Variants in FGF14 observed in about 807,000 individuals in gnomAD.
FGF14 encodes fibroblast growth factor 14, also known as fibroblast growth factor homologous factor 4.
FGF14 carries 5 observed loss-of-function variants against 25.5 expected under a neutral mutation model. That is an observed-to-expected ratio of 0.20 (90% CI 0.10 to 0.41). FGF14 has a LOEUF of 0.41. Among genes scored for constraint, FGF14 ranks in the 10% least tolerant of loss-of-function variants. FGF14 has a pLI of 1.00. For synonymous variants in FGF14, 138 were observed against 118.3 expected (o/e 1.17, Z -1.08); for missense variants, 222 against 320.1 (o/e 0.69, Z 2.34).
intron 1 of FGF14, among the ~76,000 whole-genome samples, chr13:102,012,107 T>A (rs1394670999): frequency 3.3e-5 from 5 of 152,084 alleles, no homozygotes; most frequent in Non-Finnish European, 7.3e-5. Context: ...GATGTCACAT[T>A]CAGTTTTGAA....
At chr13:102,280,949 G>A (rs547881410) in intron 1 of FGF14, among the ~76,000 whole-genome samples, 2 of 152,166 alleles carry the variant, frequency 1.3e-5, no homozygotes, top group African/African-American at 4.8e-5. Flanking sequence ...TCCATGAAGG[G>A]ATAGATACAA....
At chr13:102,093,730 A>G (rs895062161) in intron 1 of FGF14, among the ~76,000 whole-genome samples, 1 of 151,874 alleles carries the variant, frequency 6.6e-6, no homozygotes, top group Non-Finnish European at 1.5e-5. Flanking sequence ...AAACAGTTAA[A>G]TTGCTTGGTA....
chr13:101,954,706 G>A (rs1056523200), intron 1 of FGF14, among the ~76,000 whole-genome samples: 65 of 147,930 alleles, frequency 4.4e-4, no homozygotes, highest in African/African-American at 1.7e-3. Context: ...GAAAGTGTGT[G>A]TGTGTGTGTG....
intron 3 of FGF14, among the ~76,000 whole-genome samples, chr13:101,740,435 AC>A (rs2036474232): frequency 6.6e-6 from 1 of 152,210 alleles, no homozygotes; most frequent in South Asian, 2.1e-4. Flanking sequence ...AAAGAAAAAA[AC>A]ATAACAGTTG....
chr13:102,062,834 A>G (rs2042747359), intron 1 of FGF14, among the ~76,000 whole-genome samples: 1 of 152,212 alleles, frequency 6.6e-6, no homozygotes, highest in African/African-American at 2.4e-5. Context: ...TAAAAAAGTG[A>G]AAGCTATCTA....
At chr13:101,904,080 A>C (rs2031921923) in intron 1 of FGF14, among the ~76,000 whole-genome samples, 1 of 152,220 alleles carries the variant, frequency 6.6e-6, no homozygotes, top group African/African-American at 2.4e-5. Flanking sequence ...GTGCAAAAGA[A>C]GAACTGAAAG....
Position 101,916,542 on chromosome 13 carries a change from T to C in FGF14, c.104A>G (p.Lys35Arg), listed in dbSNP as rs1368948368. Residue 35 changes from lysine to arginine, a missense_variant, in exon 1 of 5, where the codon AAG becomes AGG. Around this residue, in one of 5 missense-constraint regions of FGF14, gnomAD observed 80 missense variants for 72.2 expected, o/e 1.11. Coordinates refer to ENST00000376143, the MANE Select transcript of FGF14 (RefSeq NM_004115.4). ...GTTGCCGTTGCAGAGCCCGCGGTTCTTGCTGGGGCTGCTCCGCCTCCTGCT... is the reference window on the plus strand; with the variant it reads ...GTTGCCGTTGCAGAGCCCGCGGTTCCTGCTGGGGCTGCTCCGCCTCCTGCT... ...SASRRRSSPS[K>R]NRGLCNGNLV... The C allele has an allele frequency of 1.2e-6, 2 of 1,613,594 alleles. No individual in the cohort carries two copies. The highest frequency in any genetic ancestry group is 2.2e-5 in the South Asian group (2 of 91,088).
chr13:101,715,836 C>A lies in FGF14; in HGVS notation c.*6995G>T. On this transcript the variant is annotated 3_prime_UTR_variant, in exon 5 of 5. Transcript: ENST00000376143. ...GAAATGAGTTATGCAAATTTAGATG[C>A]AAATAACATTAGAAAAAAAAGATTC... is the stretch of plus-strand genomic sequence containing the variant. The A allele has an allele frequency of 2.2e-6, 1 of 464,316 alleles. No homozygotes were observed. The highest frequency in any genetic ancestry group is 3.9e-6 in the Non-Finnish European group (1 of 258,264). 28.8% of individuals were successfully genotyped at this position (464,316 alleles called of 1,614,324 possible).
intron 1 of FGF14, among the ~76,000 whole-genome samples, chr13:102,365,628 C>T (rs2057688684): frequency 6.6e-6 from 1 of 152,108 alleles, no homozygotes; most frequent in Admixed American, 6.5e-5. Flanking sequence ...TGTTCCTTCA[C>T]GGAATCTCTC....
At chr13:102,226,732 G>A (rs2050841963) in intron 1 of FGF14, among the ~76,000 whole-genome samples, 1 of 151,988 alleles carries the variant, frequency 6.6e-6, no homozygotes, top group Non-Finnish European at 1.5e-5. Context: ...TTACCACTTT[G>A]ATTATGATGG....
chr13:102,200,651 C>G (rs2049575969), intron 1 of FGF14, among the ~76,000 whole-genome samples: 1 of 149,786 alleles, frequency 6.7e-6, no homozygotes, highest in Non-Finnish European at 1.5e-5. Context: ...GCTGTTCTGT[C>G]AGCTTTTTCC....
At chr13:102,321,985 A>G (rs192355729) in intron 1 of FGF14, among the ~76,000 whole-genome samples, 2 of 152,312 alleles carry the variant, frequency 1.3e-5, no homozygotes, top group Admixed American at 1.3e-4. Context: ...TTTGACCCAG[A>G]CAGGATTAGA....
intron 3 of FGF14, among the ~76,000 whole-genome samples, chr13:101,837,115 A>T (rs1398344337): frequency 6.6e-6 from 1 of 151,930 alleles, no homozygotes; most frequent in East Asian, 1.9e-4. Context: ...CACTGGAGTT[A>T]GTTGCTAATA....
At chr13:102,298,679 G>A (rs77964728) in intron 1 of FGF14, among the ~76,000 whole-genome samples, 1,927 of 152,162 alleles carry the variant, frequency 0.013, 39 homozygotes, top group African/African-American at 0.043. Flanking sequence ...AAGGGTGATT[G>A]CCTAATTATA....
intron 1 of FGF14, among the ~76,000 whole-genome samples, chr13:101,902,381 C>G (rs1274586086): frequency 6.6e-6 from 1 of 151,990 alleles, no homozygotes; most frequent in Non-Finnish European, 1.5e-5. Flanking sequence ...GAGGCTCATA[C>G]GTTTCTTAAC....
intron 3 of FGF14, among the ~76,000 whole-genome samples, chr13:101,754,717 A>C (rs1192358452): frequency 6.6e-6 from 1 of 152,178 alleles, no homozygotes; most frequent in East Asian, 1.9e-4. Flanking sequence ...TGACGAAGTA[A>C]GACTCCATAA....
intron 1 of FGF14, among the ~76,000 whole-genome samples, chr13:102,045,186 T>G (rs2041927231): frequency 6.6e-6 from 1 of 152,050 alleles, no homozygotes; most frequent in Non-Finnish European, 1.5e-5. Flanking sequence ...CAAGCATCTA[T>G]GTGCACACAG....
chr13:101,787,209 T>C lies in FGF14; in HGVS notation c.409-60399A>G, dbSNP rs920820927. Among the ~76,000 whole-genome samples the C allele has an allele frequency of 4.6e-5, 7 of 152,168 alleles. No homozygotes were observed. The East Asian group carries it at 1.3e-3, about 29-fold the overall frequency. ...CAACACACTGTCCAAGAGTATATCA[T>C]AAAGCTAAGCCAATAATACTTTCCC... is the stretch of plus-strand genomic sequence containing the variant. On this transcript the variant is annotated intron_variant, in intron 3 of 4. Coordinates refer to ENST00000376143, the MANE Select transcript of FGF14 (RefSeq NM_004115.4).
intron 1 of FGF14, among the ~76,000 whole-genome samples, chr13:101,936,005 G>A (rs1183769021): frequency 6.6e-6 from 1 of 152,184 alleles, no homozygotes; most frequent in Non-Finnish European, 1.5e-5. Context: ...TTTTAAGGTA[G>A]TCATAGAAAG....
Sources: gnomAD v4.1 joint callset for allele counts (sites outside exome capture counted in the v4.1 genomes callset) on GRCh38, gnomAD v4.1.1 for gene constraint, gnomAD v4.1.1 regional missense constraint, MANE v1.5 for transcripts, NCBI Gene and HGNC (gene_info 2026-07-23, HGNC 2026-07-21) for gene names.